Variants in TUT4 observed in about 807,000 individuals in gnomAD.
The protein encoded by TUT4 is terminal uridylyl transferase 4.
A neutral mutation model predicts 192.2 loss-of-function variants in TUT4; 36 were observed. The ratio of observed to expected loss-of-function variants is 0.19; its 90% CI spans 0.14 to 0.25. The LOEUF is 0.25. TUT4 is among the 10% of genes least tolerant of loss of function. The pLI is 1.00. For synonymous variants in TUT4, 618 were observed against 666.0 expected (o/e 0.93, Z 1.11); for missense variants, 1,493 against 1,957.2 (o/e 0.76, Z 4.47).
chr1:52,461,110 GATCATTAATTTTTT>G lies in TUT4; in HGVS notation c.3321+10_3321+23del, dbSNP rs772395209. 6.6e-7 allele frequency: 1 copy of G among 1,518,824 alleles called. No homozygotes were observed. 94.1% of individuals were successfully genotyped at this position (1,518,824 alleles called of 1,614,324 possible). On this transcript the variant is annotated intron_variant, in intron 19 of 29. Coordinates refer to ENST00000257177, the MANE Select transcript of TUT4 (RefSeq NM_001009881.3). ...CATTTTAATTATCATGAACAAAGCA[GATCATTAATTTTTT>G]CATAAATACCTTAGCAAACACTTTC...
intron 15 of TUT4, among the ~76,000 whole-genome samples, chr1:52,467,163 A>T (rs1664467559): frequency 6.6e-6 from 1 of 152,116 alleles, no homozygotes; most frequent in Non-Finnish European, 1.5e-5. Flanking sequence ...AATAATGATG[A>T]TATGATTTTT....
chr1:52,549,613 G>A (rs542359752), intron 1 of TUT4, among the ~76,000 whole-genome samples: 1 of 152,270 alleles, frequency 6.6e-6, no homozygotes, highest in East Asian at 1.9e-4. Context: ...ACCTTAGGCA[G>A]TTTCCCATTC....
At chr1:52,553,142 A>C (rs963303494), upstream of TUT4, 2 of 146,900 alleles carry the variant, frequency 1.4e-5, no homozygotes, top group African/African-American at 5.1e-5. Flanking sequence ...GGAGAGGGAG[A>C]GGGAGAGAAA....
At chr1:52,541,526 C>T (rs1029079173) in intron 1 of TUT4, among the ~76,000 whole-genome samples, 6 of 147,886 alleles carry the variant, frequency 4.1e-5, no homozygotes, top group African/African-American at 1.0e-4. Context: ...AGCGAGACTC[C>T]GTCTCAAAAA....
chr1:52,504,779 GTC>G (rs1675080360), intron 4 of TUT4, among the ~76,000 whole-genome samples: 1 of 152,054 alleles, frequency 6.6e-6, no homozygotes, highest in South Asian at 2.1e-4. Context: ...GCACTATTCT[GTC>G]TCTGATTCTG....
In TUT4 at chr1:52,435,780, C is replaced by T. The variant is rs1478753310; in HGVS notation, c.4163-315G>A. Among the ~76,000 whole-genome samples the T allele has an allele frequency of 1.3e-5, 2 of 152,162 alleles. 1 individual carries two copies. The highest frequency in any genetic ancestry group is 2.9e-5 in the Non-Finnish European group (2 of 68,028). On this transcript the variant is annotated intron_variant, in intron 26 of 29. Transcript: ENST00000257177. ...TACTTTCTGGTTGGGTGCAGTGGCT[C>T]ATATCTGTAATCCTAGTATTCTGGG...
chr1:52,472,238 A>C, intron 13 of TUT4, 136 bp from the exon 14 acceptor site: 1 of 909,028 alleles, frequency 1.1e-6, no homozygotes, highest in East Asian at 2.9e-5. Flanking sequence ...TAAAAAAAAA[A>C]ACATGTTGTT....
At chr1:52,438,700 C>G (rs1327881768) in intron 24 of TUT4, among the ~76,000 whole-genome samples, 4 of 152,178 alleles carry the variant, frequency 2.6e-5, no homozygotes, top group African/African-American at 9.7e-5. Context: ...AGATGTAGAG[C>G]TAAGTCTGTC....
intron 25 of TUT4, chr1:52,437,847 T>A (rs1557650670): frequency 6.1e-6 from 1 of 163,908 alleles, no homozygotes; most frequent in Middle Eastern, 3.0e-3. Flanking sequence ...CCCAGCTACT[T>A]GGGAGGCTGA....
At position 52,436,785 on chromosome 1, in the gene TUT4, G is replaced by A; in HGVS notation, c.4132C>T (p.Leu1378=). The A allele has an allele frequency of 5.0e-6, 8 of 1,613,588 alleles. No homozygotes were observed. The highest frequency in any genetic ancestry group is 6.8e-6 in the Non-Finnish European group (8 of 1,180,030). The change falls in exon 26 of 30, where the codon CTG becomes TTG. Residue 1378 remains leucine, a synonymous_variant. Coordinates refer to ENST00000257177, the MANE Select transcript of TUT4 (RefSeq NM_001009881.3). ...ACACTGCTATTCCTCTGACGGGCCA[G>A]CTTGACCTCTGGGCACTCCCTTCGT... The part of the protein sequence containing the change: ...HVRRECPEVK[L]ARQRNSSVAA...
In TUT4 at chr1:52,495,551, C is replaced by A. The variant is rs371145663; in HGVS notation, c.1178-36G>T. 25 of 1,489,530 alleles carry A rather than the reference C, an allele frequency of 1.7e-5. No homozygotes were observed. In the African/African-American group the frequency reaches 3.5e-4, roughly 21 times the overall value. 92.3% of individuals were successfully genotyped at this position (1,489,530 alleles called of 1,614,324 possible). On this transcript the variant is annotated intron_variant, in intron 5 of 29. Coordinates refer to ENST00000257177, the MANE Select transcript of TUT4 (RefSeq NM_001009881.3). ...GGAAAAACATCAAAGCATGAAATAG[C>A]ATGCAAATATGAGAGATGTAAAAAA...
At position 52,475,157 on chromosome 1, in the gene TUT4, G is replaced by A. The variant is rs777874066; in HGVS notation, c.2402C>T (p.Ser801Phe). The change falls in exon 13 of 30, where the codon TCT becomes TTT. Residue 801 changes from serine to phenylalanine, a missense_variant. Ser to Phe is a radical substitution (Grantham distance 155, BLOSUM62 -2). Coordinates refer to ENST00000257177, the MANE Select transcript of TUT4 (RefSeq NM_001009881.3). ...CTCTATTTCACTGCTTTTGCTGGTA[G>A]AAAGAGATGAAGAGTCCTGTCCGTG... ...ADHGQDSSSL[S>F]TSKSSEIEPK... 6.2e-7 allele frequency: 1 copy of A among 1,614,056 alleles called. No individual in the cohort carries two copies. Among genetic ancestry groups the A allele is most frequent in the East Asian group, 2.2e-5 (1 of 44,880 alleles).
chr1:52,512,482 G>A (rs952894520), intron 3 of TUT4, among the ~76,000 whole-genome samples: 1 of 152,156 alleles, frequency 6.6e-6, no homozygotes, highest in African/African-American at 2.4e-5. Context: ...TAGACCCAAT[G>A]ACTCCAAAAT....
intron 2 of TUT4, among the ~76,000 whole-genome samples, chr1:52,519,174 T>C (rs1000289269): frequency 6.6e-6 from 1 of 152,170 alleles, no homozygotes; most frequent in East Asian, 1.9e-4. Flanking sequence ...ATCCATATAA[T>C]GCAATACTAT....
intron 5 of TUT4, among the ~76,000 whole-genome samples, chr1:52,496,516 C>T (rs1448665329): frequency 6.6e-6 from 1 of 152,004 alleles, no homozygotes; most frequent in Admixed American, 6.5e-5. Flanking sequence ...TAACCCTATA[C>T]TGATGCAAAA....
chr1:52,457,456 G>T (rs373929446), intron 20 of TUT4, among the ~76,000 whole-genome samples: 2 of 151,742 alleles, frequency 1.3e-5, no homozygotes, highest in African/African-American at 4.8e-5. Context: ...GGATGGTCTC[G>T]ATCTCTTGAC....
chr1:52,495,774 A>G (rs1284426129), intron 5 of TUT4, among the ~76,000 whole-genome samples: 2 of 152,188 alleles, frequency 1.3e-5, no homozygotes, highest in Non-Finnish European at 2.9e-5. Flanking sequence ...GTAATAGTTC[A>G]TTTAGAAATG....
rs374185986 is a variant in TUT4, at chr1:52,456,707, A to T, written c.3435+1629T>A. Among the ~76,000 whole-genome samples the T allele has an allele frequency of 3.3e-5, 5 of 152,124 alleles. No individual in the cohort carries two copies. The South Asian group carries it at 1.0e-3, about 32-fold the overall frequency. On this transcript the variant is annotated intron_variant, in intron 20 of 29. Transcript: ENST00000257177. The stretch of plus-strand genomic sequence containing the variant: ...GGGGTTGAGGGGAGGATGACTAGGC[A>T]AAGTACAAAAATTTTTAAGGCACTG...
chr1:52,468,128 A>G, intron 15 of TUT4, 53 bp downstream of exon 15: 2 of 1,316,564 alleles, frequency 1.5e-6, no homozygotes, highest in Non-Finnish European at 2.2e-6. Context: ...AATGAAACTC[A>G]AGACTACATG....
Sources: gnomAD v4.1 joint callset for allele counts (sites outside exome capture counted in the v4.1 genomes callset) on GRCh38, gnomAD v4.1.1 for gene constraint, MANE v1.5 for transcripts, NCBI Gene and HGNC (gene_info 2026-07-23, HGNC 2026-07-21) for gene names.